The following WDR7 variants were observed in gnomAD, a reference collection of about 807,000 sequenced individuals.
The protein encoded by WDR7 is WD repeat domain 7.
Under a neutral mutation model 169.4 loss-of-function variants are expected in WDR7, and 46 were observed. The ratio of observed to expected loss-of-function variants is 0.27; its 90% CI spans 0.21 to 0.35. The LOEUF (loss-of-function observed/expected upper bound fraction) is 0.35, where lower values mean the gene tolerates loss of function less well. WDR7 is among the 10% of genes least tolerant of loss of function. The probability of loss-of-function intolerance (pLI) is 1.00; values close to 1 mark genes in which losing one functional copy is unlikely to be tolerated. For synonymous variants in WDR7, 612 were observed against 666.8 expected, an observed-to-expected ratio of 0.92 and a Z score of 1.27; for missense variants, 1,534 against 1,859.3, an observed-to-expected ratio of 0.83 and a Z score of 3.22.
chr18:56,734,524 GAAAA>G (rs111344360), intron 14 of WDR7, among the ~76,000 whole-genome samples: 1 of 76,176 alleles, frequency 1.3e-5, no homozygotes. Flanking sequence ...CACTGCTTTT[GAAAA>G]AAAAAAAAAA....
At chr18:56,691,579 A>C (rs1288870550) in intron 8 of WDR7, 136 bp from the exon 9 acceptor site, 4 of 888,776 alleles carry the variant, frequency 4.5e-6, no homozygotes, top group African/African-American at 3.5e-5. Context: ...AACATTATTT[A>C]ATTTAATGCC....
At chr18:56,724,184 G>T (rs1350690284) in intron 13 of WDR7, among the ~76,000 whole-genome samples, 14 of 127,880 alleles carry the variant, frequency 1.1e-4, no homozygotes, top group African/African-American at 3.7e-4. Context: ...ACTCAGTATT[G>T]ATCATTTTTT....
At chr18:56,783,660 T>C (rs2044352764) in intron 19 of WDR7, among the ~76,000 whole-genome samples, 2 of 151,898 alleles carry the variant, frequency 1.3e-5, no homozygotes, top group South Asian at 4.2e-4. Context: ...AGAAGGGAGG[T>C]TATGGGAACC....
At position 56,731,528 on chromosome 18, in the gene WDR7, T is replaced by A; in HGVS notation, c.1920T>A (p.Leu640=). 1 of 1,614,136 alleles carries A rather than the reference T, an allele frequency of 6.2e-7. No homozygotes were observed. Among genetic ancestry groups the A allele is most frequent in the Non-Finnish European group, 8.5e-7 (1 of 1,180,024 alleles). ...TGACGAGACGTAGTCTTGCTGCTCT[T>A]AAAAATATGGCCCATCATAAGCTAC... ...QAMTRRSLAA[L]KNMAHHKLQT... Residue 640 remains leucine, a synonymous_variant, in exon 14 of 28, where the codon CTT becomes CTA. Coordinates refer to ENST00000254442, the MANE Select transcript of WDR7 (RefSeq NM_015285.3).
At chr18:56,897,594 G>T (rs923303442) in intron 21 of WDR7, among the ~76,000 whole-genome samples, 2 of 151,856 alleles carry the variant, frequency 1.3e-5, no homozygotes, top group East Asian at 1.9e-4. Context: ...TACCCAAGGG[G>T]CTTCATAAAT....
intron 13 of WDR7, among the ~76,000 whole-genome samples, chr18:56,728,421 A>AT (rs1180927341): frequency 1.3e-5 from 2 of 151,954 alleles, no homozygotes; most frequent in African/African-American, 2.4e-5. Context: ...CACACTGGAT[A>AT]TTTTTTTTCT....
intron 21 of WDR7, among the ~76,000 whole-genome samples, chr18:56,889,375 G>C (rs898692936): frequency 2.0e-5 from 3 of 152,184 alleles, no homozygotes; most frequent in Non-Finnish European, 2.9e-5. Flanking sequence ...AGCACAATAT[G>C]AGGCATGTTA....
intron 1 of WDR7, among the ~76,000 whole-genome samples, chr18:56,659,287 C>G (rs2024852879): frequency 6.6e-6 from 1 of 152,102 alleles, no homozygotes; most frequent in Non-Finnish European, 1.5e-5. Context: ...CTGTGAAATC[C>G]AAAACATATA....
At position 56,728,993 on chromosome 18, in the gene WDR7, C is replaced by T. The variant is rs188826098; in HGVS notation, c.1775-2390C>T. Among the ~76,000 whole-genome samples, 12 of 152,240 alleles carry T rather than the reference C, an allele frequency of 7.9e-5. No individual in the cohort carries two copies. In the East Asian group the frequency reaches 1.9e-3, roughly 25 times the overall value. On this transcript the variant is annotated intron_variant, in intron 13 of 27. Transcript: ENST00000254442. Reference sequence around the variant, plus strand: ...CTCAGGTGTATTTACTGACTTTGGGCTCGGTTGTTCAGAAGAGAAGAGGAA... The same window carrying T: ...CTCAGGTGTATTTACTGACTTTGGGTTCGGTTGTTCAGAAGAGAAGAGGAA...
At chr18:56,810,131 A>G (rs2044844566) in intron 19 of WDR7, among the ~76,000 whole-genome samples, 1 of 152,298 alleles carries the variant, frequency 6.6e-6, no homozygotes, top group East Asian at 1.9e-4. Flanking sequence ...GATAATGACT[A>G]CCTTGCTTAG....
chr18:57,021,302 C>T (rs1261007312), intron 27 of WDR7, among the ~76,000 whole-genome samples: 24 of 152,142 alleles, frequency 1.6e-4, no homozygotes, highest in Admixed American at 1.6e-3. Flanking sequence ...GTTTGAGGGC[C>T]TGGCCTGAGA....
intron 20 of WDR7, among the ~76,000 whole-genome samples, chr18:56,838,453 A>G (rs966033869): frequency 1.3e-5 from 2 of 152,332 alleles, no homozygotes; most frequent in Non-Finnish European, 2.9e-5. Context: ...CTGCTGATAG[A>G]GTATGGACAC....
downstream of WDR7, chr18:57,034,195 TC>T (rs1306950078): frequency 6.7e-6 from 1 of 149,776 alleles, no homozygotes; most frequent in African/African-American, 2.5e-5. Flanking sequence ...ATGGTGAGTC[TC>T]CGCCTCAAAA....
At chr18:56,826,964 G>C (rs1314649423) in intron 20 of WDR7, among the ~76,000 whole-genome samples, 4 of 152,204 alleles carry the variant, frequency 2.6e-5, no homozygotes, top group Non-Finnish European at 5.9e-5. Context: ...ATGTCTGCAT[G>C]CAAGTGCACA....
intron 25 of WDR7, among the ~76,000 whole-genome samples, chr18:56,948,209 A>G (rs1179579797): frequency 6.6e-6 from 1 of 152,158 alleles, no homozygotes; most frequent in Non-Finnish European, 1.5e-5. Flanking sequence ...AAGTAGCTTG[A>G]GGAAAGGGGC....
At chr18:56,806,499 G>A (rs143285957) in intron 19 of WDR7, among the ~76,000 whole-genome samples, 49 of 152,220 alleles carry the variant, frequency 3.2e-4, no homozygotes, top group African/African-American at 1.1e-3. Context: ...TAGAGGTAAG[G>A]ATGGGGAGGG....
intron 20 of WDR7, among the ~76,000 whole-genome samples, chr18:56,819,782 A>G (rs2045054460): frequency 1.3e-5 from 2 of 152,146 alleles, no homozygotes; most frequent in African/African-American, 4.8e-5. Flanking sequence ...AGAATTTAAA[A>G]CAAAACAATA....
At chr18:56,779,594 G>T (rs766995479) in intron 18 of WDR7, 45 bp downstream of exon 18, 2 of 1,464,268 alleles carry the variant, frequency 1.4e-6, no homozygotes, top group Admixed American at 1.8e-5. Context: ...TATTAAAAAG[G>T]CATTGGTCAA....
chr18:56,709,028 TAA>T (rs976589007), intron 12 of WDR7, among the ~76,000 whole-genome samples: 17 of 152,134 alleles, frequency 1.1e-4, no homozygotes, highest in African/African-American at 9.6e-5. Context: ...CATAAATATA[TAA>T]GTGAAATTAA....
Sources: gnomAD v4.1 joint callset for allele counts (sites outside exome capture counted in the v4.1 genomes callset) on GRCh38, gnomAD v4.1.1 for gene constraint, MANE v1.5 for transcripts, NCBI Gene and HGNC (gene_info 2026-07-23, HGNC 2026-07-21) for gene names.